Variants in RORB observed in about 807,000 individuals in gnomAD.
RORB encodes the protein RAR related orphan receptor B.
In RORB, 6 loss-of-function variants were observed where a neutral mutation model predicts 59.1. That is an observed-to-expected ratio of 0.10 (90% CI 0.06 to 0.20). RORB has a LOEUF of 0.20. RORB is among the 10% of genes least tolerant of loss of function. The probability of loss-of-function intolerance (pLI) is 1.00; values close to 1 mark genes in which losing one functional copy is unlikely to be tolerated. For synonymous variants in RORB, 215 were observed against 204.5 expected (o/e 1.05, Z -0.44); for missense variants, 320 against 560.5 (o/e 0.57, Z 4.33).
intron 1 of RORB, among the ~76,000 whole-genome samples, chr9:74,556,980 C>T (rs1822303736): frequency 6.6e-6 from 1 of 152,066 alleles, no homozygotes; most frequent in African/African-American, 2.4e-5. Context: ...ACTATACTAT[C>T]GTATGGTAGA....
intron 1 of RORB, among the ~76,000 whole-genome samples, chr9:74,536,570 C>A (rs1455604434): frequency 6.6e-6 from 1 of 152,024 alleles, no homozygotes; most frequent in Non-Finnish European, 1.5e-5. Context: ...CCTGCTCTCA[C>A]TTTCTGGAGC....
chr9:74,634,805 C>T, intron 3 of RORB, 33 bp downstream of exon 3: 3 of 1,583,908 alleles, frequency 1.9e-6, no homozygotes, highest in Admixed American at 1.8e-5. Flanking sequence ...CTTACTTAAG[C>T]CCTTTCAAAT....
At chr9:74,531,075 T>G (rs148325776) in intron 1 of RORB, among the ~76,000 whole-genome samples, 237 of 152,046 alleles carry the variant, frequency 1.6e-3, no homozygotes, top group African/African-American at 5.6e-3. Flanking sequence ...AATATAGTAC[T>G]CCCCCAATGA....
chr9:74,609,305 C>T (rs1823198497), intron 1 of RORB, among the ~76,000 whole-genome samples: 1 of 152,184 alleles, frequency 6.6e-6, no homozygotes, highest in Non-Finnish European at 1.5e-5. Context: ...AAACAGAACC[C>T]TCTTCTAATG....
At chr9:74,530,444 G>A (rs546391412) in intron 1 of RORB, among the ~76,000 whole-genome samples, 11 of 152,080 alleles carry the variant, frequency 7.2e-5, no homozygotes, top group South Asian at 4.1e-4. Context: ...TATGGCCACC[G>A]GGAGAGAAAA....
chr9:74,618,651 G>A (rs891021398), intron 1 of RORB, among the ~76,000 whole-genome samples: 1 of 152,034 alleles, frequency 6.6e-6, no homozygotes, highest in East Asian at 1.9e-4. Context: ...GAGAACTTCA[G>A]GAATGGTCTC....
In RORB at chr9:74,656,023, A is replaced by G. The variant is rs113214315; in HGVS notation, c.638-4594A>G. 4.4e-3 allele frequency among the ~76,000 whole-genome samples: 668 copies of G among 152,342 alleles called. 5 individuals are homozygous for G. Among genetic ancestry groups the G allele is most frequent in the African/African-American group, 0.016 (649 of 41,580 alleles). On this transcript the variant is annotated intron_variant, in intron 4 of 9. Coordinates refer to ENST00000376896, the MANE Select transcript of RORB (RefSeq NM_006914.4). ...TTGACTTGTATTTCCCACCACAAGG[A>G]TATGGAAAATAATTTTGCATGCTTA...
intron 1 of RORB, among the ~76,000 whole-genome samples, chr9:74,513,489 G>A (rs1445787518): frequency 2.6e-5 from 4 of 151,986 alleles, no homozygotes; most frequent in East Asian, 1.9e-4. Context: ...TTTATCAATT[G>A]TGTTCTAGTG....
chr9:74,634,874 G>A, intron 3 of RORB, 102 bp downstream of exon 3: 1 of 1,119,114 alleles, frequency 8.9e-7, no homozygotes, highest in Non-Finnish European at 1.2e-6. Flanking sequence ...GGGAATTGGG[G>A]ATAAGAAGAA....
intron 1 of RORB, among the ~76,000 whole-genome samples, chr9:74,515,443 C>G (rs367934812): frequency 2.3e-4 from 35 of 152,038 alleles, no homozygotes; most frequent in African/African-American, 8.0e-4. Flanking sequence ...GTGTTTTTTA[C>G]ATAGCTGTGG....
At position 74,642,673 on chromosome 9, in the gene RORB, T is replaced by C; in HGVS notation, c.495T>C (p.Pro165=). ...ACGTCGATTCCGGTCAGCCGTCCCCTGATCAGTCAGGACTTGACATGACTG... is the reference window on the plus strand; with the variant it reads ...ACGTCGATTCCGGTCAGCCGTCCCCCGATCAGTCAGGACTTGACATGACTG... ...YYNVDSGQPS[P]DQSGLDMTGI... Residue 165 remains proline (P), a synonymous_variant, in exon 4 of 10, where the codon CCT becomes CCC. Coordinates refer to ENST00000376896, the MANE Select transcript of RORB (RefSeq NM_006914.4). The C allele has an allele frequency of 3.1e-6, 5 of 1,614,216 alleles. No homozygotes were observed. The highest frequency in any genetic ancestry group is 4.2e-6 in the Non-Finnish European group (5 of 1,180,032).
intron 1 of RORB, among the ~76,000 whole-genome samples, chr9:74,581,245 A>C (rs1433700366): frequency 1.3e-5 from 2 of 152,164 alleles, no homozygotes; most frequent in African/African-American, 4.8e-5. Flanking sequence ...CAGAGACCAA[A>C]AAAATGCACC....
At chr9:74,637,763 A>G (rs1823730908) in intron 3 of RORB, among the ~76,000 whole-genome samples, 1 of 152,200 alleles carries the variant, frequency 6.6e-6, no homozygotes, top group Admixed American at 6.5e-5. Flanking sequence ...ATCCAGAACT[A>G]CATTGCCCAA....
At chr9:74,516,468 G>C (rs2118056049) in intron 1 of RORB, among the ~76,000 whole-genome samples, 1 of 152,108 alleles carries the variant, frequency 6.6e-6, no homozygotes, top group East Asian at 1.9e-4. Context: ...AAAGAATTGA[G>C]AGATGCTGAA....
intron 1 of RORB, among the ~76,000 whole-genome samples, chr9:74,579,756 C>T (rs1263846840): frequency 6.6e-6 from 1 of 152,150 alleles, no homozygotes; most frequent in Non-Finnish European, 1.5e-5. Context: ...ATTGGTACCA[C>T]TCAGCCTTGG....
chr9:74,565,666 T>C (rs1822459307), intron 1 of RORB, among the ~76,000 whole-genome samples: 1 of 152,226 alleles, frequency 6.6e-6, no homozygotes, highest in Admixed American at 6.5e-5. Flanking sequence ...CTTGTCTTAA[T>C]ATCTTAGACC....
intron 9 of RORB, among the ~76,000 whole-genome samples, chr9:74,675,102 T>C (rs930049465): frequency 2.0e-5 from 3 of 152,104 alleles, no homozygotes; most frequent in African/African-American, 4.8e-5. Flanking sequence ...TAGTCACTGA[T>C]AGATGAAAAC....
intron 4 of RORB, among the ~76,000 whole-genome samples, chr9:74,651,526 C>T (rs1377403643): frequency 9.3e-6 from 1 of 107,758 alleles, no homozygotes; most frequent in Non-Finnish European, 1.9e-5. Flanking sequence ...CAGAGTGGGA[C>T]TCTGTCTCAA....
At chr9:74,520,488 A>G (rs1418788813) in intron 1 of RORB, among the ~76,000 whole-genome samples, 1 of 151,924 alleles carries the variant, frequency 6.6e-6, no homozygotes, top group African/African-American at 2.4e-5. Context: ...GTCCAATATG[A>G]TACCAATGAC....
Sources: allele counts gnomAD v4.1 joint callset (sites outside exome capture counted in the v4.1 genomes callset), GRCh38; gene constraint gnomAD v4.1.1; transcripts MANE v1.5; gene names NCBI Gene and HGNC (gene_info 2026-07-23, HGNC 2026-07-21).